The following SH3BGRL2 variants were observed in gnomAD, a reference collection of about 807,000 sequenced individuals.
SH3BGRL2 encodes SH3 domain binding glutamate rich protein like 2.
SH3BGRL2 carries 21 observed loss-of-function variants against 14.8 expected under a neutral mutation model. The ratio of observed to expected loss-of-function variants is 1.42; its 90% CI spans 1.01 to 2.05. SH3BGRL2 has a LOEUF of 2.05. SH3BGRL2 is among the 30% of genes most tolerant of loss of function. The pLI, the probability that SH3BGRL2 is intolerant of heterozygous loss-of-function variation, is 0.00. For synonymous variants in SH3BGRL2, 50 were observed against 47.8 expected (o/e 1.05, Z -0.19); for missense variants, 147 against 130.8 (o/e 1.12, Z -0.61).
At chr6:79,652,970 G>C (rs1769326004) in intron 1 of SH3BGRL2, among the ~76,000 whole-genome samples, 1 of 151,808 alleles carries the variant, frequency 6.6e-6, no homozygotes. Flanking sequence ...GCAATACACT[G>C]TGCCACCTTT....
the SH3BGRL2 span, among the ~76,000 whole-genome samples, chr6:79,584,619 G>A: frequency 2.6e-5 from 4 of 151,824 alleles, no homozygotes; most frequent in Non-Finnish European, 5.9e-5. Flanking sequence ...ATGTTCTAGG[G>A]AAGTGTGATG....
At position 79,703,149 on chromosome 6, in the gene SH3BGRL2, C is replaced by A. The variant is rs1358198673; in HGVS notation, c.*3640C>A. 1 of 152,112 alleles carries A rather than the reference C, an allele frequency of 6.6e-6. No homozygotes were observed. Among genetic ancestry groups the A allele is most frequent in the Non-Finnish European group, 1.5e-5 (1 of 68,032 alleles). The allele number at this position is 152,112 out of a possible 1,614,324, so 9.4% of individuals were successfully genotyped here. A position where few individuals can be genotyped will look rare whatever the true frequency, so the allele number is the denominator to read the frequency against. On this transcript the variant is annotated 3_prime_UTR_variant, in exon 4 of 4. Coordinates refer to ENST00000369838, the MANE Select transcript of SH3BGRL2 (RefSeq NM_031469.4). ...ATACATGTCAGGTTTGTTTGTTCAT[C>A]CTTTCTGTCAGCATGGATCAAGCCC...
chr6:79,692,226 A>C (rs934680217), intron 2 of SH3BGRL2, among the ~76,000 whole-genome samples: 41 of 151,856 alleles, frequency 2.7e-4, no homozygotes, highest in African/African-American at 8.7e-4. Context: ...TTGTAAATTT[A>C]TTTGAGTTCA....
the SH3BGRL2 span, among the ~76,000 whole-genome samples, chr6:79,581,403 A>G: frequency 5.9e-5 from 9 of 152,222 alleles, no homozygotes; most frequent in Non-Finnish European, 1.2e-4. Context: ...AAATACTGGC[A>G]AACCAAATCC....
At chr6:79,595,411 A>G in the SH3BGRL2 span, among the ~76,000 whole-genome samples, 3 of 152,248 alleles carry the variant, frequency 2.0e-5, no homozygotes, top group Admixed American at 6.5e-5. Context: ...CGGCTATATT[A>G]AAAGTTTTTA....
chr6:79,657,221 C>T (rs936260475), intron 1 of SH3BGRL2, among the ~76,000 whole-genome samples: 15 of 151,508 alleles, frequency 9.9e-5, no homozygotes, highest in Admixed American at 5.3e-4. Flanking sequence ...CAGTGATATA[C>T]GCTTAAGAAG....
the SH3BGRL2 span, among the ~76,000 whole-genome samples, chr6:79,607,212 T>A: frequency 6.6e-6 from 1 of 152,188 alleles, no homozygotes; most frequent in Non-Finnish European, 1.5e-5. Context: ...GAGCTTCCTA[T>A]CTCCCACTGA....
the SH3BGRL2 span, among the ~76,000 whole-genome samples, chr6:79,594,653 G>A: frequency 6.6e-6 from 1 of 152,110 alleles, no homozygotes; most frequent in South Asian, 2.1e-4. Flanking sequence ...TGGTAGATGA[G>A]GCAGCAGCTT....
the SH3BGRL2 span, among the ~76,000 whole-genome samples, chr6:79,581,322 C>A: frequency 1.3e-5 from 2 of 152,144 alleles, no homozygotes; most frequent in Non-Finnish European, 2.9e-5. Flanking sequence ...CAAAGCCCAG[C>A]AGAGACACAA....
chr6:79,636,512 G>A (rs778188717), intron 1 of SH3BGRL2, among the ~76,000 whole-genome samples: 13 of 152,088 alleles, frequency 8.5e-5, no homozygotes, highest in Non-Finnish European at 1.9e-4. Flanking sequence ...AGGATGTGGT[G>A]GTGATGGAAG....
intron 2 of SH3BGRL2, among the ~76,000 whole-genome samples, chr6:79,689,961 C>G (rs896091183): frequency 1.1e-4 from 16 of 152,078 alleles, no homozygotes; most frequent in African/African-American, 3.9e-4. Flanking sequence ...CTACATTTCA[C>G]ACTGACATTA....
the SH3BGRL2 span, among the ~76,000 whole-genome samples, chr6:79,544,003 T>C: frequency 2.2e-4 from 33 of 152,264 alleles, no homozygotes; most frequent in African/African-American, 7.5e-4. Flanking sequence ...ACTCAGCATC[T>C]CTCAAATACC....
At chr6:79,587,756 T>A in the SH3BGRL2 span, among the ~76,000 whole-genome samples, 2 of 152,222 alleles carry the variant, frequency 1.3e-5, no homozygotes, top group African/African-American at 4.8e-5. Context: ...GATGTCAATA[T>A]TTTTATGTAT....
chr6:79,691,579 C>T (rs1239828166), intron 2 of SH3BGRL2, among the ~76,000 whole-genome samples: 10 of 146,084 alleles, frequency 6.8e-5, no homozygotes, highest in Non-Finnish European at 1.5e-4. Flanking sequence ...TTGTTCAATT[C>T]CCACCTATGA....
At chr6:79,684,782 G>A (rs1191158223) in intron 2 of SH3BGRL2, among the ~76,000 whole-genome samples, 1 of 152,122 alleles carries the variant, frequency 6.6e-6, no homozygotes, top group Non-Finnish European at 1.5e-5. Context: ...CCCACAGGTA[G>A]CATTTTCTTA....
At chr6:79,591,741 G>A in the SH3BGRL2 span, among the ~76,000 whole-genome samples, 1 of 152,116 alleles carries the variant, frequency 6.6e-6, no homozygotes, top group Non-Finnish European at 1.5e-5. Context: ...AAAGGAGTTG[G>A]TTGAAATTGG....
At chr6:79,609,964 T>C in the SH3BGRL2 span, among the ~76,000 whole-genome samples, 1 of 152,268 alleles carries the variant, frequency 6.6e-6, no homozygotes, top group Non-Finnish European at 1.5e-5. Flanking sequence ...ATATTTCTAA[T>C]GTCAAATTGA....
intron 1 of SH3BGRL2, among the ~76,000 whole-genome samples, chr6:79,642,715 G>A (rs78552610): frequency 7.7e-4 from 117 of 152,232 alleles, no homozygotes; most frequent in Admixed American, 1.7e-3. Flanking sequence ...GTGAGTAACC[G>A]GGAAAAGGAA....
the SH3BGRL2 span, among the ~76,000 whole-genome samples, chr6:79,600,703 C>T: frequency 2.0e-5 from 3 of 152,154 alleles, no homozygotes; most frequent in Non-Finnish European, 4.4e-5. Flanking sequence ...AAACTGATTC[C>T]TCTCATTTTC....
Sources: allele counts gnomAD v4.1 joint callset (sites outside exome capture counted in the v4.1 genomes callset), GRCh38; gene constraint gnomAD v4.1.1; transcripts MANE v1.5; gene names NCBI Gene and HGNC (gene_info 2026-07-23, HGNC 2026-07-21).